The following SLC20A2 variants were observed in gnomAD, a reference collection of about 807,000 sequenced individuals.
The protein encoded by SLC20A2 is sodium-dependent phosphate transporter 2.
SLC20A2 carries 30 observed loss-of-function variants against 61.0 expected under a neutral mutation model. The observed-to-expected ratio is 0.49, with a 90% CI of 0.37 to 0.67. SLC20A2 has a LOEUF of 0.67. SLC20A2 is among the 30% of genes least tolerant of loss of function. The probability of loss-of-function intolerance (pLI) is 0.00; values close to 1 mark genes in which losing one functional copy is unlikely to be tolerated. For missense variants in SLC20A2, 626 were observed against 866.4 expected (o/e 0.72, Z 3.48); for synonymous variants, 351 against 353.3 (o/e 0.99, Z 0.07).
chr8:42,518,183 G>A (rs1378427502), intron 1 of SLC20A2, among the ~76,000 whole-genome samples: 1 of 151,812 alleles, frequency 6.6e-6, no homozygotes, highest in Non-Finnish European at 1.5e-5. Flanking sequence ...CTCATGATCC[G>A]CACACCTCAG....
At chr8:42,525,145 C>T (rs144435721) in intron 1 of SLC20A2, among the ~76,000 whole-genome samples, 1 of 152,242 alleles carries the variant, frequency 6.6e-6, no homozygotes, top group Non-Finnish European at 1.5e-5. Context: ...ACTGCTGGTG[C>T]CACACCCACC....
intron 5 of SLC20A2, among the ~76,000 whole-genome samples, chr8:42,452,610 G>T (rs1038210359): frequency 6.6e-6 from 1 of 151,192 alleles, no homozygotes; most frequent in Non-Finnish European, 1.5e-5. Context: ...GGAGGATGAG[G>T]AGGAAGAGAT....
chr8:42,507,258 G>A (rs972044760), intron 1 of SLC20A2, among the ~76,000 whole-genome samples: 1 of 152,118 alleles, frequency 6.6e-6, no homozygotes, highest in African/African-American at 2.4e-5. Context: ...ATGCTCAGGA[G>A]GGCTACACCA....
At position 42,439,461 on chromosome 8, in the gene SLC20A2, C is replaced by T. The variant is rs991432699; in HGVS notation, c.923G>A (p.Arg308Gln). The change falls in exon 7 of 11, where the codon CGG becomes CAG. Residue 308 changes from arginine to glutamine, a missense_variant. By Grantham distance (43) the Arg-to-Gln change is conservative (BLOSUM62 1). Transcript: ENST00000520262. Reference sequence around the variant, plus strand: ...CAGGCACATCTTACCGTATGCAGCCCGAGGGTGGCTGCCCGCAGAAGTGCC... The same window carrying T: ...CAGGCACATCTTACCGTATGCAGCCTGAGGGTGGCTGCCCGCAGAAGTGCC... ...SEGTSAGSHP[R>Q]AAYGRALSMT... 31 of 1,613,314 alleles carry T rather than the reference C, an allele frequency of 1.9e-5. No homozygotes were observed. Among genetic ancestry groups the T allele is most frequent in the Non-Finnish European group, 2.5e-5 (29 of 1,179,992 alleles).
At chr8:42,442,317 A>AT (rs1392658173) in intron 6 of SLC20A2, among the ~76,000 whole-genome samples, 1 of 151,662 alleles carries the variant, frequency 6.6e-6, no homozygotes, top group Admixed American at 6.6e-5. Context: ...TTTCCCTTAT[A>AT]TTTTTTTTCT....
At chr8:42,418,735 C>A (rs1334340722) in intron 10 of SLC20A2, among the ~76,000 whole-genome samples, 1 of 151,590 alleles carries the variant, frequency 6.6e-6, no homozygotes, top group African/African-American at 2.4e-5. Flanking sequence ...GCGGTGGCTT[C>A]CGCCTGTAAT....
In SLC20A2 at chr8:42,437,620, TTTTTTTC is replaced by T; in HGVS notation, c.935-50_935-44del. 6.7e-7 allele frequency: 1 copy of T among 1,485,936 alleles called. No homozygotes were observed. The highest frequency in any genetic ancestry group is 9.0e-7 in the Non-Finnish European group (1 of 1,110,686). 92.0% of individuals were successfully genotyped at this position (1,485,936 alleles called of 1,614,324 possible). ...AGGTCTCATTTTCCAGTCTTTTTTT[TTTTTTTC>T]TTTTCTTTTTGAGACGGAGCCTTGC... On this transcript the variant is annotated intron_variant, in intron 7 of 10. Transcript: ENST00000520262. The surrounding 1 kb of genome is among the most constrained non-coding windows in gnomAD (Gnocchi z 6.4).
intron 5 of SLC20A2, among the ~76,000 whole-genome samples, chr8:42,447,637 A>C (rs1805332666): frequency 6.6e-6 from 1 of 152,226 alleles, no homozygotes; most frequent in South Asian, 2.1e-4. Context: ...AGATCACGCC[A>C]CTGCACTCCA....
Position 42,486,283 on chromosome 8 carries a change from C to T in SLC20A2, c.-264-13629G>A, listed in dbSNP as rs960374710. 5.9e-5 allele frequency among the ~76,000 whole-genome samples: 9 copies of T among 152,044 alleles called. No homozygotes were observed. In the East Asian group the frequency reaches 1.2e-3, roughly 20 times the overall value. The stretch of plus-strand genomic sequence containing the variant: ...ACACACAGGTTGGAGTGCAGTGGCA[C>T]GATAATGGCTCACTGCAGCCTTGAT... On this transcript the variant is annotated intron_variant, in intron 1 of 10. Coordinates refer to ENST00000520262, the MANE Select transcript of SLC20A2 (RefSeq NM_001257180.2).
intron 5 of SLC20A2, among the ~76,000 whole-genome samples, chr8:42,449,544 A>G (rs1006604333): frequency 6.6e-6 from 1 of 152,216 alleles, no homozygotes; most frequent in African/African-American, 2.4e-5. Flanking sequence ...AGGATCTATA[A>G]ACAAATAAAA....
upstream of SLC20A2, among the ~76,000 whole-genome samples, chr8:42,503,917 A>C (rs1034099978): frequency 6.6e-6 from 1 of 152,210 alleles, no homozygotes; most frequent in African/African-American, 2.4e-5. Context: ...TTTGTCCTCA[A>C]GGAGCTCAAA....
rs142214340 is a variant in SLC20A2, at chr8:42,422,806, T to C, written c.1795-4839A>G. 4.2e-3 allele frequency among the ~76,000 whole-genome samples: 633 copies of C among 152,334 alleles called. 2 individuals are homozygous for C. Among genetic ancestry groups the C allele is most frequent in the South Asian group, 0.014 (68 of 4,828 alleles). ...CATGGGTTTTCAAATTCTTAGCATA[T>C]AGCTGTGTGGCTTATTTAATAATGG... On this transcript the variant is annotated intron_variant, in intron 10 of 10. Transcript: ENST00000520262.
rs200628725 is a variant in SLC20A2 at position 42,437,048 on chromosome 8, A to G, written c.1464T>C (p.His488=). 4 of 1,614,078 alleles carry G rather than the reference A, an allele frequency of 2.5e-6. No homozygotes were observed. Among genetic ancestry groups the G allele is most frequent in the African/African-American group, 2.7e-5 (2 of 75,064 alleles). ...KDAPEVHLLF[H]FLQVLTACFG... is the part of the protein sequence containing the mutation. Reference sequence around the variant, plus strand: ...AACAGGCGGTGAGGACCTGCAGGAAATGGAACAGGAGGTGAACCTCGGGTG... The same window carrying G: ...AACAGGCGGTGAGGACCTGCAGGAAGTGGAACAGGAGGTGAACCTCGGGTG... The change falls in exon 8 of 11, where the codon CAT becomes CAC. Residue 488 remains histidine, a synonymous_variant. Coordinates refer to ENST00000520262, the MANE Select transcript of SLC20A2 (RefSeq NM_001257180.2). The surrounding 1 kb of genome is among the most constrained non-coding windows in gnomAD (Gnocchi z 6.4).
chr8:42,520,003 C>T (rs1470902897), intron 1 of SLC20A2, among the ~76,000 whole-genome samples: 1 of 135,770 alleles, frequency 7.4e-6, no homozygotes, highest in East Asian at 2.2e-4. Flanking sequence ...ACTCTTTATG[C>T]TAATCTTTTT....
intron 7 of SLC20A2, among the ~76,000 whole-genome samples, chr8:42,438,046 C>T (rs115629334): frequency 6.3e-5 from 6 of 95,668 alleles, no homozygotes; most frequent in Admixed American, 1.4e-4. Flanking sequence ...AATATGGTTA[C>T]CACTAAAAAA....
At chr8:42,474,781 A>G (rs530967220) in intron 1 of SLC20A2, among the ~76,000 whole-genome samples, 4 of 152,274 alleles carry the variant, frequency 2.6e-5, no homozygotes, top group Admixed American at 2.6e-4. Flanking sequence ...GCAACACATA[A>G]ATGTCTATAA....
rs552945792 is a variant in SLC20A2 at position 42,537,045 on chromosome 8, G to A, written c.-265+4776C>T. ...AGGCAAGATCGCGCTGCTGCACTCC[G>A]GCCTGGGCAACAGAGCCGGAGTCTG... On this transcript the variant is annotated intron_variant, in intron 1 of 10. Transcript: ENST00000342228. Among the ~76,000 whole-genome samples the A allele has an allele frequency of 3.3e-4, 50 of 151,540 alleles. No individual in the cohort carries two copies. The South Asian group carries it at 5.4e-3, about 16-fold the overall frequency.
intron 1 of SLC20A2, among the ~76,000 whole-genome samples, chr8:42,526,982 A>G (rs1488190201): frequency 6.6e-6 from 1 of 151,482 alleles, no homozygotes; most frequent in Non-Finnish European, 1.5e-5. Flanking sequence ...GCGTGCGCCT[A>G]TAGTACCAGC....
intron 8 of SLC20A2, among the ~76,000 whole-genome samples, chr8:42,436,043 GAGA>G (rs1016215451): frequency 1.3e-5 from 2 of 152,070 alleles, no homozygotes; most frequent in African/African-American, 4.8e-5. Context: ...TTGAACTTGG[GAGA>G]AGGAGGTTGC....
Sources: allele counts gnomAD v4.1 joint callset (sites outside exome capture counted in the v4.1 genomes callset), GRCh38; gene constraint gnomAD v4.1.1; non-coding constraint Gnocchi (gnomAD v3.1); transcripts MANE v1.5; gene names NCBI Gene and HGNC (gene_info 2026-07-23, HGNC 2026-07-21).